Variants in TAF3 observed in about 807,000 individuals in gnomAD.
The protein encoded by TAF3 is TATA-box binding protein associated factor 3, also known as transcription initiation factor TFIID subunit 3.
TAF3 carries 7 observed loss-of-function variants against 80.6 expected under a neutral mutation model. The observed-to-expected ratio is 0.09, with a 90% confidence interval of 0.05 to 0.16. The LOEUF (loss-of-function observed/expected upper bound fraction) is 0.16. Among genes scored for constraint, TAF3 ranks in the 10% least tolerant of loss-of-function variants. TAF3 has a pLI of 1.00. For synonymous variants in TAF3, 444 were observed against 446.1 expected (o/e 1.00, Z 0.06); for missense variants, 921 against 1,140.2 (o/e 0.81, Z 2.77).
rs749756102 is a variant in TAF3, at chr10:8,009,251, C to T, written c.2489C>T (p.Ser830Phe). Reference sequence around the variant, plus strand: ...GCCGCGGGCCCTGCCCTGCTGCCCTCCCCGGGTCCCGCCGCCTCCGGGGCC... The same window carrying T: ...GCCGCGGGCCCTGCCCTGCTGCCCTTCCCGGGTCCCGCCGCCTCCGGGGCC... ...QAAAGPALLP[S>F]PGPAASGASA... Residue 830 changes from serine to phenylalanine, a missense_variant, in exon 5 of 7, where the codon TCC (serine) becomes TTC (phenylalanine). By Grantham distance (155) the Ser-to-Phe change is radical. This residue lies in a region of TAF3 where 743 missense variants were observed against 821.0 expected (regional missense o/e 0.90). Transcript: ENST00000344293. This position sits in a 1 kb window ranked among gnomAD's most constrained non-coding sequence, Gnocchi z 4.1. 7 of 1,530,578 alleles carry T rather than the reference C, an allele frequency of 4.6e-6. No individual in the cohort carries two copies. The highest frequency in any genetic ancestry group is 2.6e-5 in the East Asian group (1 of 37,894). 94.8% of individuals were successfully genotyped at this position (1,530,578 alleles called of 1,614,324 possible).
chr10:7,853,238 T>A (rs1837046397), intron 2 of TAF3, among the ~76,000 whole-genome samples: 1 of 152,204 alleles, frequency 6.6e-6, no homozygotes. Context: ...CACTTTCTAG[T>A]TATCTTATTT....
At chr10:7,903,061 GAA>G (rs1361939042) in intron 2 of TAF3, among the ~76,000 whole-genome samples, 2 of 152,030 alleles carry the variant, frequency 1.3e-5, no homozygotes, top group African/African-American at 4.8e-5. Flanking sequence ...TCTCTTAAAA[GAA>G]AAGAAAAAGT....
At chr10:7,874,847 A>G (rs1165827663) in intron 2 of TAF3, among the ~76,000 whole-genome samples, 1 of 152,108 alleles carries the variant, frequency 6.6e-6, no homozygotes, top group Non-Finnish European at 1.5e-5. Context: ...TAACTGTTCA[A>G]AACACATAAA....
intron 4 of TAF3, among the ~76,000 whole-genome samples, chr10:7,979,037 GTC>G (rs1018827488): frequency 5.9e-5 from 9 of 151,978 alleles, no homozygotes; most frequent in African/African-American, 2.2e-4. Flanking sequence ...GCCAGATCCT[GTC>G]TCTAAAAATA....
At chr10:7,864,833 T>C (rs200501611) in intron 2 of TAF3, among the ~76,000 whole-genome samples, 7 of 145,018 alleles carry the variant, frequency 4.8e-5, no homozygotes, top group African/African-American at 1.8e-4. Context: ...TTTTTTTTTT[T>C]CCTTTTTATG....
chr10:7,921,054 TAGGCC>T (rs1837758135), intron 2 of TAF3, among the ~76,000 whole-genome samples: 1 of 152,130 alleles, frequency 6.6e-6, no homozygotes, highest in South Asian at 2.1e-4. Context: ...AGCTCTTTTC[TAGGCC>T]AGAAGCTGTC....
intron 3 of TAF3, among the ~76,000 whole-genome samples, chr10:7,972,241 T>C (rs1026336679): frequency 6.6e-6 from 1 of 152,224 alleles, no homozygotes; most frequent in African/African-American, 2.4e-5. Context: ...GCCTCTGTTT[T>C]TATTTTGGTG....
At chr10:7,890,477 A>G (rs1837448521) in intron 2 of TAF3, among the ~76,000 whole-genome samples, 1 of 152,240 alleles carries the variant, frequency 6.6e-6, no homozygotes, top group Non-Finnish European at 1.5e-5. Flanking sequence ...TAAGCATGCA[A>G]TTGTTTAAAG....
At chr10:7,868,893 A>G (rs996604475) in intron 2 of TAF3, among the ~76,000 whole-genome samples, 3 of 152,208 alleles carry the variant, frequency 2.0e-5, no homozygotes, top group Admixed American at 2.0e-4. Flanking sequence ...ATTTCCTAAG[A>G]TCACAGAGCT....
chr10:7,857,531 G>A (rs982971928), intron 2 of TAF3, among the ~76,000 whole-genome samples: 8 of 152,162 alleles, frequency 5.3e-5, no homozygotes, highest in Non-Finnish European at 1.0e-4. Flanking sequence ...ACTGGGTAGT[G>A]TATCATTTGT....
chr10:7,924,285 T>C (rs1837794469), intron 2 of TAF3, among the ~76,000 whole-genome samples: 1 of 152,212 alleles, frequency 6.6e-6, no homozygotes, highest in Non-Finnish European at 1.5e-5. Flanking sequence ...TGAGAAAGCA[T>C]ATTGGTACAA....
rs1222193538 is a variant in TAF3 at position 7,964,959 on chromosome 10, A to G, written c.1449A>G (p.Ser483=). 6.2e-7 allele frequency: 1 copy of G among 1,614,010 alleles called. No individual in the cohort carries two copies. The highest frequency in any genetic ancestry group is 1.3e-5 in the African/African-American group (1 of 74,904). ...VVRKAKLGTP[S]NMPPNFPYIS... ...GTAAAGCAAAACTGGGAACACCTTC[A>G]AATATGCCCCCCAACTTTCCTTATA... Residue 483 remains serine (S), a synonymous_variant, in exon 3 of 7, where the codon TCA becomes TCG. Transcript: ENST00000344293. This position sits in a 1 kb window ranked among gnomAD's most constrained non-coding sequence, Gnocchi z 4.1.
At chr10:7,956,139 G>T (rs1014971262) in intron 2 of TAF3, among the ~76,000 whole-genome samples, 1 of 152,044 alleles carries the variant, frequency 6.6e-6, no homozygotes, top group Admixed American at 6.6e-5. Context: ...GGGTATTCAT[G>T]AATTCTTTGT....
At chr10:7,915,575 G>A (rs1216450230) in intron 2 of TAF3, among the ~76,000 whole-genome samples, 41 of 149,550 alleles carry the variant, frequency 2.7e-4, no homozygotes, top group African/African-American at 9.6e-4. Flanking sequence ...CCCGGGAGGC[G>A]GATCTTGCAG....
rs373106036 is a variant in TAF3 at position 7,944,451 on chromosome 10, GAAATAAA to G, written c.410-19464_410-19458del. On this transcript the variant is annotated intron_variant, in intron 2 of 6. Transcript: ENST00000344293. ...ATCTTTTACTTTTTATTAAGAGAAA[GAAATAAA>G]AAATGAAACGCAGTAAAAGTTACTA... Among the ~76,000 whole-genome samples, 167 of 152,190 alleles carry G rather than the reference GAAATAAA, an allele frequency of 1.1e-3. 1 individual carries two copies. Among genetic ancestry groups the G allele is most frequent in the African/African-American group, 3.9e-3 (161 of 41,512 alleles).
At position 7,965,383 on chromosome 10, in the gene TAF3, A is replaced by C; in HGVS notation, c.1873A>C (p.Lys625Gln). The change falls in exon 3 of 7, where the codon AAA (lysine) becomes CAA (glutamine). Residue 625 changes from lysine (K) to glutamine (Q), a missense_variant. Lys to Gln is a moderately conservative substitution (Grantham distance 53). Transcript: ENST00000344293. The part of the protein sequence containing the change: ...KHKDKKKDRE[K>Q]GKKDKDKREK... ...TAAAGATAAGAAGAAAGATAGAGAG[A>C]AAGGCAAGAAAGATAAAGATAAGAG... 6.2e-7 allele frequency: 1 copy of C among 1,608,524 alleles called. No individual in the cohort carries two copies. Among genetic ancestry groups the C allele is most frequent in the African/African-American group, 1.3e-5 (1 of 74,448 alleles).
intron 2 of TAF3, among the ~76,000 whole-genome samples, chr10:7,886,189 G>T (rs562882290): frequency 6.6e-6 from 1 of 152,110 alleles, no homozygotes; most frequent in South Asian, 2.1e-4. Context: ...TTGGCCTCCC[G>T]AAGTGCTGGG....
intron 3 of TAF3, among the ~76,000 whole-genome samples, chr10:7,976,397 C>T (rs1831673189): frequency 1.3e-5 from 2 of 151,582 alleles, no homozygotes; most frequent in Admixed American, 6.6e-5. Context: ...CAGGCACCCG[C>T]CACCATGACT....
chr10:7,961,908 G>A (rs111264765), intron 2 of TAF3, among the ~76,000 whole-genome samples: 2,664 of 151,772 alleles, frequency 0.018, 80 homozygotes, highest in African/African-American at 0.061. Flanking sequence ...GGAGTGCAGT[G>A]GCGCAATCAT....
Sources: gnomAD v4.1 joint callset for allele counts (sites outside exome capture counted in the v4.1 genomes callset) on GRCh38, gnomAD v4.1.1 for gene constraint, gnomAD v4.1.1 regional missense constraint, Gnocchi (gnomAD v3.1) non-coding constraint, MANE v1.5 for transcripts, NCBI Gene and HGNC (gene_info 2026-07-23, HGNC 2026-07-21) for gene names.